Variants in NMNAT1 observed in about 807,000 individuals in gnomAD.
NMNAT1 encodes nicotinamide/nicotinic acid mononucleotide adenylyltransferase 1.
In NMNAT1, 11 loss-of-function variants were observed where a neutral mutation model predicts 16.7. The ratio of observed to expected loss-of-function variants is 0.66; its 90% CI spans 0.41 to 1.09. The LOEUF (loss-of-function observed/expected upper bound fraction) is 1.09. Ranked by LOEUF, NMNAT1 falls within the 50% of genes least tolerant of loss-of-function variation. The pLI, the probability that NMNAT1 is intolerant of heterozygous loss-of-function variation, is 0.00. For synonymous variants in NMNAT1, 110 were observed against 119.8 expected (o/e 0.92, Z 0.53); for missense variants, 280 against 332.3 (o/e 0.84, Z 1.22).
At chr1:9,944,150 A>C (rs958764874) in intron 1 of NMNAT1, among the ~76,000 whole-genome samples, 1 of 152,094 alleles carries the variant, frequency 6.6e-6, no homozygotes, top group Admixed American at 6.6e-5. Flanking sequence ...GCTACTCGGG[A>C]GGCTGAGGCA....
At chr1:9,976,908 TTTTC>T (rs1377173998) in intron 3 of NMNAT1, among the ~76,000 whole-genome samples, 4 of 147,382 alleles carry the variant, frequency 2.7e-5, no homozygotes, top group African/African-American at 1.0e-4. Flanking sequence ...ATTTCTTTTC[TTTTC>T]TTTTTTTTTT....
At position 9,978,789 on chromosome 1, in the gene NMNAT1, C is replaced by G. The variant is rs112226729; in HGVS notation, c.300-2242C>G. Among the ~76,000 whole-genome samples the G allele has an allele frequency of 4.3e-4, 65 of 152,322 alleles. 3 individuals carry two copies. Among genetic ancestry groups the G allele is most frequent in the African/African-American group, 1.5e-3 (62 of 41,576 alleles). On this transcript the variant is annotated intron_variant, in intron 3 of 4. Transcript: ENST00000377205. ...AGTGTAGTTGATGTTATTTGGGTAA[C>G]ATTGCACAGTTTGAAAACAGTGGGC...
chr1:9,948,163 G>A (rs1220421), intron 1 of NMNAT1, among the ~76,000 whole-genome samples: 101,528 of 151,994 alleles, frequency 0.67, 37,563 homozygotes, highest in Non-Finnish European at 0.84. Context: ...CTCTCCAGAT[G>A]AGAACAGATG....
chr1:9,990,134 A>G (rs1642092198), downstream of NMNAT1, among the ~76,000 whole-genome samples: 1 of 152,162 alleles, frequency 6.6e-6, no homozygotes, highest in Non-Finnish European at 1.5e-5. Context: ...ATGTATCAGA[A>G]TTTTTTTTCA....
rs1209252903 is a variant in NMNAT1 at position 9,985,183 on chromosome 1, T to C, written c.*2482T>C. Reference sequence around the variant, plus strand: ...CACGGCATCCACTCAGCTGTGAGGCTGCGTACACAGTCTCCACCTCTGAAA... The same window carrying C: ...CACGGCATCCACTCAGCTGTGAGGCCGCGTACACAGTCTCCACCTCTGAAA... On this transcript the variant is annotated 3_prime_UTR_variant, in exon 5 of 5. Transcript: ENST00000377205. 1.3e-5 allele frequency: 2 copies of C among 152,192 alleles called. No homozygotes were observed. Among genetic ancestry groups the C allele is most frequent in the African/African-American group, 4.8e-5 (2 of 41,446 alleles). 9.4% of individuals were successfully genotyped at this position (152,192 alleles called of 1,614,324 possible).
chr1:9,989,414 C>T (rs766869967), downstream of NMNAT1, among the ~76,000 whole-genome samples: 1 of 151,754 alleles, frequency 6.6e-6, no homozygotes, highest in African/African-American at 2.4e-5. Context: ...GCCAAGATCG[C>T]GCCACTACAC....
At chr1:9,956,921 G>A (rs1162546715) in intron 1 of NMNAT1, among the ~76,000 whole-genome samples, 3 of 151,674 alleles carry the variant, frequency 2.0e-5, no homozygotes, top group Non-Finnish European at 4.4e-5. Context: ...TAGTTGAGAT[G>A]GGGTTTCACC....
Position 9,979,658 on chromosome 1 carries a change from C to G in NMNAT1, c.300-1373C>G, listed in dbSNP as rs531779028. On this transcript the variant is annotated intron_variant, in intron 3 of 4. Transcript: ENST00000377205. ...TACTAAAAATACAGAAAAAATTAGC[C>G]GGGCGTGGTGGTGGGCGCCTGTAGT... Among the ~76,000 whole-genome samples the G allele has an allele frequency of 3.0e-3, 453 of 151,622 alleles. 1 individual carries two copies. Among genetic ancestry groups the G allele is most frequent in the Middle Eastern group, 0.02 (6 of 294 alleles).
chr1:9,961,069 CAGTT>C (rs1034816933), intron 1 of NMNAT1, among the ~76,000 whole-genome samples: 4 of 152,098 alleles, frequency 2.6e-5, no homozygotes, highest in African/African-American at 7.2e-5. Flanking sequence ...GCTTTGTTAA[CAGTT>C]AGTGGAACTG....
At chr1:9,961,951 A>G (rs975274665) in intron 1 of NMNAT1, among the ~76,000 whole-genome samples, 13 of 151,778 alleles carry the variant, frequency 8.6e-5, no homozygotes, top group African/African-American at 1.5e-4. Flanking sequence ...TATTTTTAGT[A>G]GAGACGGGGT....
rs771602026 is a variant in NMNAT1 at position 9,972,293 on chromosome 1, A to G, written c.115+105A>G. On this transcript the variant is annotated intron_variant, in intron 2 of 4. Coordinates refer to ENST00000377205, the MANE Select transcript of NMNAT1 (RefSeq NM_022787.4). ...TGGGAGGCTGAGACGGGCAGATCAC[A>G]AGGTCAAGAGATCGAGACCATCCTA... 2.3e-5 allele frequency: 16 copies of G among 690,766 alleles called. 1 individual carries two copies. Among genetic ancestry groups the G allele is most frequent in the Middle Eastern group, 2.5e-4 (1 of 3,960 alleles). 42.8% of individuals were successfully genotyped at this position (690,766 alleles called of 1,614,324 possible).
chr1:9,971,935 ACT>A, intron 1 of NMNAT1, 81 bp from the exon 2 acceptor site: 1 of 640,198 alleles, frequency 1.6e-6, no homozygotes, highest in Non-Finnish European at 2.8e-6. Flanking sequence ...GCATCACTAC[ACT>A]CTAGCCAGGG....
chr1:9,988,061 G>A (rs12091993), downstream of NMNAT1, among the ~76,000 whole-genome samples: 2,673 of 152,000 alleles, frequency 0.018, 34 homozygotes, highest in Non-Finnish European at 0.027. Flanking sequence ...GCAGTGGCAC[G>A]ATCTCAGCTC....
intron 4 of NMNAT1, chr1:9,981,396 GT>G: frequency 2.1e-6 from 1 of 466,526 alleles, no homozygotes; most frequent in Non-Finnish European, 3.6e-6. Flanking sequence ...CACCACGCCT[GT>G]CTAATTTGTT....
intron 1 of NMNAT1, among the ~76,000 whole-genome samples, chr1:9,953,797 CTTTTTTTTTTTTT>C (rs34585788): frequency 1.0e-4 from 6 of 60,148 alleles, no homozygotes; most frequent in Non-Finnish European, 1.6e-4. Context: ...ATATATCACT[CTTTTTTTTTTTTT>C]TTTTTTTTTT....
downstream of NMNAT1, among the ~76,000 whole-genome samples, chr1:9,988,550 A>C (rs1322232914): frequency 6.6e-6 from 1 of 151,706 alleles, no homozygotes; most frequent in African/African-American, 2.4e-5. Context: ...AAAGTACAAA[A>C]ATATTAGCCA....
intron 3 of NMNAT1, among the ~76,000 whole-genome samples, chr1:9,979,449 A>C (rs1641887191): frequency 6.6e-6 from 1 of 152,032 alleles, no homozygotes; most frequent in Non-Finnish European, 1.5e-5. Context: ...TGGGCAATAG[A>C]GTGAGCCTGT....
At chr1:9,954,714 C>T (rs546794519) in intron 1 of NMNAT1, among the ~76,000 whole-genome samples, 2 of 151,670 alleles carry the variant, frequency 1.3e-5, no homozygotes, top group African/African-American at 4.8e-5. Context: ...GGGTGGATCA[C>T]AAGGTCAGGA....
chr1:9,991,548 G>A, the NMNAT1 span, among the ~76,000 whole-genome samples: 2 of 152,100 alleles, frequency 1.3e-5, no homozygotes, highest in Non-Finnish European at 2.9e-5. Flanking sequence ...GCTTCTCAAT[G>A]AAAATGGCAT....
Sources: allele counts gnomAD v4.1 joint callset (sites outside exome capture counted in the v4.1 genomes callset), GRCh38; gene constraint gnomAD v4.1.1; transcripts MANE v1.5; gene names NCBI Gene and HGNC (gene_info 2026-07-23, HGNC 2026-07-21).